The following MBTD1 variants were observed in gnomAD, a reference collection of about 807,000 sequenced individuals.
MBTD1 encodes mbt domain containing 1.
MBTD1 carries 24 observed loss-of-function variants against 87.8 expected under a neutral mutation model. The observed-to-expected ratio is 0.27, with a 90% CI of 0.20 to 0.38. The LOEUF (loss-of-function observed/expected upper bound fraction) is 0.38. Among genes scored for constraint, MBTD1 ranks in the 10% least tolerant of loss-of-function variants. The pLI is 1.00. For synonymous variants in MBTD1, 237 were observed against 248.6 expected, an observed-to-expected ratio of 0.95 and a Z score of 0.44; for missense variants, 436 against 760.2, an observed-to-expected ratio of 0.57 and a Z score of 5.02.
At chr17:51,210,095 G>T (rs1282700384) in intron 6 of MBTD1, among the ~76,000 whole-genome samples, 1 of 152,050 alleles carries the variant, frequency 6.6e-6, no homozygotes, top group East Asian at 1.9e-4. Context: ...TCCGCCTCCT[G>T]GGTCCAAGCC....
In MBTD1 at chr17:51,219,061, T is replaced by TA. The variant is rs2052737823; in HGVS notation, c.289-18dup. The TA allele has an allele frequency of 1.5e-5, 20 of 1,334,778 alleles. No homozygotes were observed. The East Asian group carries it at 5.0e-4, about 33-fold the overall frequency. The allele number at this position is 1,334,778 out of a possible 1,614,324, so 82.7% of individuals were successfully genotyped here. A position where few individuals can be genotyped will look rare whatever the true frequency, so the allele number is the denominator to read the frequency against. ...AGGCTTACCCTAAAACAAGAAAAGT[T>TA]AAGTAAATAGGATTCTTTTTCATCC... On this transcript the variant is annotated splice_polypyrimidine_tract_variant and intron_variant, in intron 4 of 16. Coordinates refer to ENST00000586178, the MANE Select transcript of MBTD1 (RefSeq NM_017643.3).
intron 6 of MBTD1, among the ~76,000 whole-genome samples, chr17:51,216,313 T>C (rs187755891): frequency 7.3e-4 from 111 of 152,358 alleles, no homozygotes; most frequent in African/African-American, 2.5e-3. Context: ...TAAACATGTA[T>C]AGCAGCAGAA....
chr17:51,222,414 G>T (rs1022419636), intron 3 of MBTD1, among the ~76,000 whole-genome samples: 3 of 151,794 alleles, frequency 2.0e-5, no homozygotes, highest in South Asian at 2.1e-4. Context: ...TGTTTTGTTT[G>T]TTTTTTTTGA....
chr17:51,243,937 C>T (rs1323440013), intron 2 of MBTD1, among the ~76,000 whole-genome samples: 1 of 152,168 alleles, frequency 6.6e-6, no homozygotes, highest in East Asian at 1.9e-4. Context: ...GTTATGTACC[C>T]CATAATATTA....
rs1318334378 is a variant in MBTD1, at chr17:51,202,919, T to C, written c.845A>G (p.Gln282Arg). The change falls in exon 10 of 17, where the codon CAG becomes CGG. Residue 282 changes from glutamine (Q) to arginine (R), a missense_variant. Transcript: ENST00000586178. ...TCTCATGCAAGGTTTGAAAGGATAC[T>C]GCATACTCTCTGAAACCTTAAAAGC... is the stretch of plus-strand genomic sequence containing the variant. ...DFSQKVSESM[Q>R]YPFKPCMRVE... 1.9e-6 allele frequency: 3 copies of C among 1,613,056 alleles called. No homozygotes were observed. The South Asian group carries it at 3.3e-5, about 18-fold the overall frequency.
intron 6 of MBTD1, among the ~76,000 whole-genome samples, chr17:51,211,149 G>A (rs201847813): frequency 5.3e-3 from 678 of 127,216 alleles, no homozygotes; most frequent in Middle Eastern, 8.5e-3. Flanking sequence ...AAAAAAAAAA[G>A]AAAAAAAAAA....
chr17:51,194,526 AC>A (rs2145102911), intron 13 of MBTD1, among the ~76,000 whole-genome samples: 1 of 124,774 alleles, frequency 8.0e-6, no homozygotes, highest in East Asian at 2.6e-4. Flanking sequence ...GTGAGATAGC[AC>A]CCCTGCATTC....
intron 1 of MBTD1, 22 bp downstream of exon 1, chr17:51,259,813 G>C (rs2055362958): frequency 8.1e-7 from 1 of 1,232,516 alleles, no homozygotes; most frequent in Non-Finnish European, 1.0e-6. Flanking sequence ...CACACAAAGC[G>C]GCTGCCGCGC....
At chr17:51,253,287 C>T (rs2054903074) in intron 2 of MBTD1, among the ~76,000 whole-genome samples, 1 of 152,070 alleles carries the variant, frequency 6.6e-6, no homozygotes, top group East Asian at 1.9e-4. Context: ...ATGGCTATGC[C>T]TTTTGACTAG....
intron 2 of MBTD1, among the ~76,000 whole-genome samples, chr17:51,229,299 T>G (rs1484586255): frequency 6.7e-6 from 1 of 148,314 alleles, no homozygotes; most frequent in African/African-American, 2.5e-5. Context: ...ACAGATACAG[T>G]TTTTTTTTTA....
At chr17:51,235,230 G>C (rs1176180006) in intron 2 of MBTD1, among the ~76,000 whole-genome samples, 1 of 152,030 alleles carries the variant, frequency 6.6e-6, no homozygotes, top group Non-Finnish European at 1.5e-5. Flanking sequence ...CCGCCTCCTG[G>C]GTTCAAGCTA....
intron 13 of MBTD1, among the ~76,000 whole-genome samples, chr17:51,193,763 C>A (rs902795903): frequency 6.6e-6 from 1 of 152,168 alleles, no homozygotes; most frequent in Non-Finnish European, 1.5e-5. Context: ...GGACTACAGG[C>A]ACATGCCACT....
chr17:51,218,525 T>G (rs577138059), intron 5 of MBTD1, among the ~76,000 whole-genome samples: 1 of 92,576 alleles, frequency 1.1e-5, no homozygotes, highest in South Asian at 4.9e-4. Context: ...CAAGACTCTG[T>G]CTCCAAAAAA....
chr17:51,233,997 A>G (rs1598400131), intron 2 of MBTD1, among the ~76,000 whole-genome samples: 1 of 152,150 alleles, frequency 6.6e-6, no homozygotes, highest in East Asian at 1.9e-4. Flanking sequence ...AAAAAAGAAA[A>G]CAAAGTTGGT....
rs560764441 is a variant in MBTD1 at position 51,200,583 on chromosome 17, G to A, written c.1224+1009C>T. Among the ~76,000 whole-genome samples the A allele has an allele frequency of 7.1e-5, 7 of 98,976 alleles. No individual in the cohort carries two copies. In the South Asian group the frequency reaches 1.9e-3, roughly 27 times the overall value. The allele number at this position is 98,976 out of a possible 152,430, so 64.9% of individuals were successfully genotyped here. On this transcript the variant is annotated intron_variant, in intron 12 of 16. Transcript: ENST00000586178. ...TCAAAAAAAAAAAAAAAAAAAAAAT[G>A]CCACGTACGGTGGCTCATGCCTGTA...
In MBTD1 at chr17:51,180,535, T is replaced by C. The variant is rs1192495607; in HGVS notation, c.*41A>G. On this transcript the variant is annotated 3_prime_UTR_variant, in exon 17 of 17. Transcript: ENST00000586178. ...CTGGATTGATTATAAATCAGTCCTG[T>C]GTAAAATCCTTCCCCACCCGCCCTC... is the stretch of plus-strand genomic sequence containing the variant. The C allele has an allele frequency of 1.0e-6, 1 of 1,003,926 alleles. No homozygotes were observed. The highest frequency in any genetic ancestry group is 1.4e-5 in the South Asian group (1 of 72,286). The allele number at this position is 1,003,926 out of a possible 1,614,324, so 62.2% of individuals were successfully genotyped here.
At chr17:51,221,717 A>G (rs1291326031) in intron 3 of MBTD1, among the ~76,000 whole-genome samples, 1 of 152,228 alleles carries the variant, frequency 6.6e-6, no homozygotes, top group Non-Finnish European at 1.5e-5. Flanking sequence ...AGTATTAACA[A>G]TTATTTGCAT....
chr17:51,188,711 C>T (rs565465328), intron 16 of MBTD1, among the ~76,000 whole-genome samples: 120 of 150,324 alleles, frequency 8.0e-4, no homozygotes, highest in Non-Finnish European at 1.5e-3. Context: ...CTTCTTAATA[C>T]GGCACTATAC....
At chr17:51,197,124 C>T (rs1256592659) in intron 12 of MBTD1, among the ~76,000 whole-genome samples, 7 of 83,848 alleles carry the variant, frequency 8.3e-5, no homozygotes, top group Non-Finnish European at 9.8e-5. Context: ...ATATGGAGGA[C>T]GGAGTCTTGC....
Sources: gnomAD v4.1 joint callset for allele counts (sites outside exome capture counted in the v4.1 genomes callset) on GRCh38, gnomAD v4.1.1 for gene constraint, MANE v1.5 for transcripts, NCBI Gene and HGNC (gene_info 2026-07-23, HGNC 2026-07-21) for gene names.